The following CXCR5 variants were observed in gnomAD, a reference collection of about 807,000 sequenced individuals.
CXCR5 encodes C-X-C motif chemokine receptor 5.
Under a neutral mutation model 5.6 loss-of-function variants are expected in CXCR5, and 3 were observed. That is an observed-to-expected ratio of 0.54 (90% CI 0.24 to 1.39). The LOEUF is 1.39. Among genes scored for constraint, CXCR5 ranks in the 40% most tolerant of loss-of-function variants. The pLI, the probability that CXCR5 is intolerant of heterozygous loss-of-function variation, is 0.16. For missense variants in CXCR5, 333 were observed against 494.6 expected, an observed-to-expected ratio of 0.67 and a Z score of 3.10; for synonymous variants, 218 against 219.9, an observed-to-expected ratio of 0.99 and a Z score of 0.08.
rs11574668 is a variant in CXCR5, at chr11:118,893,077, A to G, written c.52-519A>G. On this transcript the variant is annotated intron_variant, in intron 1 of 1. Transcript: ENST00000292174. This position sits in a 1 kb window ranked among gnomAD's most constrained non-coding sequence, Gnocchi z 5.7. ...AACCAGATGGGAGGCTATTACTGCCATTTCAGTGATAACAGAGACAGTCAG... is the reference window on the plus strand; with the variant it reads ...AACCAGATGGGAGGCTATTACTGCCGTTTCAGTGATAACAGAGACAGTCAG... 0.012 allele frequency among the ~76,000 whole-genome samples: 1,893 copies of G among 152,308 alleles called. 52 individuals carry two copies. Among genetic ancestry groups the G allele is most frequent in the East Asian group, 0.11 (586 of 5,190 alleles).
At position 118,893,342 on chromosome 11, in the gene CXCR5, C is replaced by T. The variant is rs613791; in HGVS notation, c.52-254C>T. 266,292 of 972,114 alleles carry T rather than the reference C, an allele frequency of 0.27. 38,143 individuals carry two copies. Among genetic ancestry groups the T allele is most frequent in the African/African-American group, 0.45 (25,372 of 56,878 alleles). 60.2% of individuals were successfully genotyped at this position (972,114 alleles called of 1,614,324 possible). On this transcript the variant is annotated intron_variant, in intron 1 of 1. Transcript: ENST00000292174. This position sits in a 1 kb window ranked among gnomAD's most constrained non-coding sequence, Gnocchi z 5.7. ...AAGCTGACTTATGGGGTCCAGCCCT[C>T]CAGCACTTACAAAGCTCAGCCACCC...
chr11:118,886,835 G>A (rs1157034671), intron 1 of CXCR5: 2 of 171,078 alleles, frequency 1.2e-5, no homozygotes, highest in Non-Finnish European at 2.5e-5. Flanking sequence ...CCTCTCCATA[G>A]ACAATTACCA....
rs767076389 is a variant in CXCR5 at position 118,893,295 on chromosome 11, G to T, written c.52-301G>T. The T allele has an allele frequency of 2.0e-4, 140 of 717,398 alleles. No individual in the cohort carries two copies. Among genetic ancestry groups the T allele is most frequent in the Non-Finnish European group, 2.2e-4 (129 of 585,970 alleles). 44.4% of individuals were successfully genotyped at this position (717,398 alleles called of 1,614,324 possible). ...CCAGCCGCCAAGGCTGCAGGCTTCC[G>T]TACATGAGGACCCAAAAACACAAGC... On this transcript the variant is annotated intron_variant, in intron 1 of 1. Coordinates refer to ENST00000292174, the MANE Select transcript of CXCR5 (RefSeq NM_001716.5). The surrounding 1 kb of genome is among the most constrained non-coding windows in gnomAD (Gnocchi z 5.7).
intron 1 of CXCR5, among the ~76,000 whole-genome samples, chr11:118,884,261 C>A (rs2137648890): frequency 6.6e-6 from 1 of 152,316 alleles, no homozygotes; most frequent in East Asian, 1.9e-4. Flanking sequence ...CTCTGAGTTG[C>A]TATGTGACTG....
chr11:118,886,575 C>G, intron 1 of CXCR5: 1 of 358,740 alleles, frequency 2.8e-6, no homozygotes, highest in Non-Finnish European at 5.4e-6. Context: ...GATTCCAGGT[C>G]CTGGGGTGGG....
At chr11:118,891,888 A>T (rs1416094004) in intron 1 of CXCR5, among the ~76,000 whole-genome samples, 5 of 151,822 alleles carry the variant, frequency 3.3e-5, no homozygotes, top group Admixed American at 3.3e-4. Flanking sequence ...AAAAAAAAAA[A>T]AAAAGTGAAG....
At position 118,894,828 on chromosome 11, in the gene CXCR5, T is replaced by A; in HGVS notation, c.*165T>A. On this transcript the variant is annotated 3_prime_UTR_variant, in exon 2 of 2. Transcript: ENST00000292174. The surrounding 1 kb of genome is among the most constrained non-coding windows in gnomAD (Gnocchi z 6.1). Reference sequence around the variant, plus strand: ...GGAACCAACCCCCATTTCTAGAACATCCCTGCCAGCTCTTCTGCCGGCCCT... The same window carrying A: ...GGAACCAACCCCCATTTCTAGAACAACCCTGCCAGCTCTTCTGCCGGCCCT... 3.4e-6 allele frequency: 2 copies of A among 585,128 alleles called. No homozygotes were observed. The highest frequency in any genetic ancestry group is 2.7e-6 in the Non-Finnish European group (1 of 366,930). 36.2% of individuals were successfully genotyped at this position (585,128 alleles called of 1,614,324 possible).
rs1048888076 is a variant in CXCR5 at position 118,893,073 on chromosome 11, T to C, written c.52-523T>C. Among the ~76,000 whole-genome samples the C allele has an allele frequency of 1.3e-5, 2 of 152,176 alleles. No homozygotes were observed. Among genetic ancestry groups the C allele is most frequent in the African/African-American group, 4.8e-5 (2 of 41,422 alleles). On this transcript the variant is annotated intron_variant, in intron 1 of 1. Coordinates refer to ENST00000292174, the MANE Select transcript of CXCR5 (RefSeq NM_001716.5). This position sits in a 1 kb window ranked among gnomAD's most constrained non-coding sequence, Gnocchi z 5.7. ...ATTGAACCAGATGGGAGGCTATTAC[T>C]GCCATTTCAGTGATAACAGAGACAG...
chr11:118,894,348 C>T lies in CXCR5; in HGVS notation c.804C>T (p.Phe268=). The change falls in exon 2 of 2, where the codon TTC becomes TTT. Residue 268 remains phenylalanine (F), a synonymous_variant. Transcript: ENST00000292174. The surrounding 1 kb of genome is among the most constrained non-coding windows in gnomAD (Gnocchi z 6.1). ...VRVAILVTSI[F]FLCWSPYHIV... ...TGGCCATCCTGGTGACAAGCATCTTCTTCCTCTGCTGGTCACCCTACCACA... is the reference window on the plus strand; with the variant it reads ...TGGCCATCCTGGTGACAAGCATCTTTTTCCTCTGCTGGTCACCCTACCACA... The T allele has an allele frequency of 6.2e-7, 1 of 1,614,190 alleles. No homozygotes were observed. The highest frequency in any genetic ancestry group is 8.5e-7 in the Non-Finnish European group (1 of 1,180,036).
chr11:118,890,107 G>A (rs1289940536), intron 1 of CXCR5, among the ~76,000 whole-genome samples: 1 of 152,216 alleles, frequency 6.6e-6, no homozygotes, highest in Non-Finnish European at 1.5e-5. Context: ...CTCAGTGACG[G>A]TATTGGAAAT....
chr11:118,887,505 C>T, intron 1 of CXCR5: 1 of 894,562 alleles, frequency 1.1e-6, no homozygotes, highest in Non-Finnish European at 1.3e-6. Flanking sequence ...ACATCCAGCA[C>T]AGTACCTGCT....
chr11:118,893,027 T>C lies in CXCR5; in HGVS notation c.52-569T>C, dbSNP rs12363277. ...TCTGTGAAATAGGAATAATATTACA[T>C]ACCTTGAGCGGGTTGTGCATATTGA... is the stretch of plus-strand genomic sequence containing the variant. On this transcript the variant is annotated intron_variant, in intron 1 of 1. Transcript: ENST00000292174. The surrounding 1 kb of genome is among the most constrained non-coding windows in gnomAD (Gnocchi z 5.7). Among the ~76,000 whole-genome samples, 5,928 of 152,272 alleles carry C rather than the reference T, an allele frequency of 0.039. 180 individuals are homozygous for C. Among genetic ancestry groups the C allele is most frequent in the Non-Finnish European group, 0.061 (4,175 of 68,020 alleles).
At chr11:118,884,712 C>A (rs998831261) in intron 1 of CXCR5, among the ~76,000 whole-genome samples, 11 of 152,124 alleles carry the variant, frequency 7.2e-5, no homozygotes, top group Admixed American at 7.2e-4. Flanking sequence ...GGAAAGGTTT[C>A]TTGGGTGGGC....
Position 118,894,070 on chromosome 11 carries a change from G to A in CXCR5, c.526G>A (p.Val176Met). The change falls in exon 2 of 2, where the codon GTG becomes ATG. Residue 176 changes from valine (V) to methionine (M), a missense_variant. Physicochemically the swap from Val to Met is conservative, Grantham distance 21. Coordinates refer to ENST00000292174, the MANE Select transcript of CXCR5 (RefSeq NM_001716.5). This position sits in a 1 kb window ranked among gnomAD's most constrained non-coding sequence, Gnocchi z 6.1. Reference sequence around the variant, plus strand: ...CATCACCTGTGGGACCATCTGGCTGGTGGGCTTCCTCCTTGCCTTGCCAGA... The same window carrying A: ...CATCACCTGTGGGACCATCTGGCTGATGGGCTTCCTCCTTGCCTTGCCAGA... ...IHITCGTIWL[V>M]GFLLALPEIL... The A allele has an allele frequency of 6.2e-7, 1 of 1,614,016 alleles. No homozygotes were observed. Among genetic ancestry groups the A allele is most frequent in the Non-Finnish European group, 8.5e-7 (1 of 1,180,028 alleles).
chr11:118,894,622 C>T lies in CXCR5; in HGVS notation c.1078C>T (p.Leu360Phe), dbSNP rs748488358. The T allele has an allele frequency of 4.0e-6, 6 of 1,513,922 alleles. No individual in the cohort carries two copies. The highest frequency in any genetic ancestry group is 2.7e-5 in the South Asian group (2 of 75,132). 93.8% of individuals were successfully genotyped at this position (1,513,922 alleles called of 1,614,324 possible). ...CTTCCCTAGCTGGCGCAGGAGCAGT[C>T]TCTCTGAGTCAGAGAATGCCACCTC... Reference protein sequence around the residue: ...QLFPSWRRSSLSESENATSLT... With the variant: ...QLFPSWRRSSFSESENATSLT... Residue 360 changes from leucine (L) to phenylalanine (F), a missense_variant, in exon 2 of 2, where the codon CTC becomes TTC. By Grantham distance (22) the Leu-to-Phe change is conservative. Coordinates refer to ENST00000292174, the MANE Select transcript of CXCR5 (RefSeq NM_001716.5). The surrounding 1 kb of genome is among the most constrained non-coding windows in gnomAD (Gnocchi z 6.1).
intron 1 of CXCR5, among the ~76,000 whole-genome samples, chr11:118,892,672 G>GC (rs144520428): frequency 1.8e-4 from 28 of 151,576 alleles, no homozygotes; most frequent in African/African-American, 6.8e-4. Context: ...GGTGATGGGG[G>GC]GGGGGTGATG....
rs1387270535 is a variant in CXCR5 at position 118,896,814 on chromosome 11, G to C, written c.*2151G>C. The C allele has an allele frequency of 4.6e-5, 7 of 152,750 alleles. No individual in the cohort carries two copies. Among genetic ancestry groups the C allele is most frequent in the Admixed American group, 4.6e-4 (7 of 15,294 alleles). 9.5% of individuals were successfully genotyped at this position (152,750 alleles called of 1,614,324 possible). ...AATGGCCCTTGGTCCTGGAGGTGGG[G>C]CGCAAAAGGCCTCAGCCAGGGAACT... On this transcript the variant is annotated 3_prime_UTR_variant, in exon 2 of 2. Transcript: ENST00000292174.
chr11:118,894,105 C>T lies in CXCR5; in HGVS notation c.561C>T (p.Phe187=), dbSNP rs111656136. ...TCCTTGCCTTGCCAGAGATTCTCTTCGCCAAAGTCAGCCAAGGCCATCACA... is the reference window on the plus strand; with the variant it reads ...TCCTTGCCTTGCCAGAGATTCTCTTTGCCAAAGTCAGCCAAGGCCATCACA... ...GFLLALPEIL[F]AKVSQGHHNN... is the part of the protein sequence containing the mutation. Residue 187 remains phenylalanine, a synonymous_variant, in exon 2 of 2, where the codon TTC becomes TTT. Coordinates refer to ENST00000292174, the MANE Select transcript of CXCR5 (RefSeq NM_001716.5). This position sits in a 1 kb window ranked among gnomAD's most constrained non-coding sequence, Gnocchi z 6.1. The T allele has an allele frequency of 2.9e-4, 468 of 1,614,070 alleles. No homozygotes were observed. In the African/African-American group the frequency reaches 5.1e-3, roughly 18 times the overall value.
At chr11:118,886,582 T>G (rs1939717618) in intron 1 of CXCR5, 1 of 357,562 alleles carries the variant, frequency 2.8e-6, no homozygotes, top group African/African-American at 2.2e-5. Context: ...GGTCCTGGGG[T>G]GGGTATGCCA....
Sources: gnomAD v4.1 joint callset for allele counts (sites outside exome capture counted in the v4.1 genomes callset) on GRCh38, gnomAD v4.1.1 for gene constraint, Gnocchi (gnomAD v3.1) non-coding constraint, MANE v1.5 for transcripts, NCBI Gene and HGNC (gene_info 2026-07-23, HGNC 2026-07-21) for gene names.